The following CAMK2D variants were observed in gnomAD, a reference collection of about 807,000 sequenced individuals.
CAMK2D encodes calcium/calmodulin-dependent protein kinase type II subunit delta.
In CAMK2D, 37 loss-of-function variants were observed where a neutral mutation model predicts 84.0. The observed-to-expected ratio is 0.44, with a 90% CI of 0.34 to 0.58. The LOEUF (loss-of-function observed/expected upper bound fraction) is 0.58, where lower values mean the gene tolerates loss of function less well. Ranked by LOEUF, CAMK2D falls within the 20% of genes least tolerant of loss-of-function variation. The probability of loss-of-function intolerance (pLI) is 0.02; values close to 1 mark genes in which losing one functional copy is unlikely to be tolerated. For synonymous variants in CAMK2D, 202 were observed against 212.5 expected (o/e 0.95, Z 0.43); for missense variants, 448 against 652.5 (o/e 0.69, Z 3.41).
intron 2 of CAMK2D, among the ~76,000 whole-genome samples, chr4:113,748,231 C>G (rs2099609102): frequency 6.6e-6 from 1 of 152,068 alleles, no homozygotes; most frequent in Admixed American, 6.6e-5. Flanking sequence ...AAAGGAGGGA[C>G]TTTTGTCCTT....
intron 2 of CAMK2D, among the ~76,000 whole-genome samples, chr4:113,756,670 T>C (rs917154151): frequency 5.9e-5 from 9 of 152,108 alleles, no homozygotes; most frequent in Non-Finnish European, 8.8e-5. Context: ...TTTTCAGTAT[T>C]TGCTTGTTGT....
At chr4:113,526,542 C>T (rs2098419326) in intron 8 of CAMK2D, among the ~76,000 whole-genome samples, 1 of 152,022 alleles carries the variant, frequency 6.6e-6, no homozygotes, top group Admixed American at 6.6e-5. Context: ...GGAAACTACT[C>T]TCTACCTATC....
chr4:113,648,614 C>T (rs2099160933), intron 3 of CAMK2D, among the ~76,000 whole-genome samples: 1 of 152,172 alleles, frequency 6.6e-6, no homozygotes, highest in South Asian at 2.1e-4. Context: ...GGAAAAAGCA[C>T]CCTAGAAATA....
intron 2 of CAMK2D, among the ~76,000 whole-genome samples, chr4:113,745,706 AT>A (rs1379553152): frequency 1.3e-5 from 2 of 152,186 alleles, no homozygotes; most frequent in African/African-American, 4.8e-5. Flanking sequence ...TGTAGCGTTT[AT>A]TTTCTTGGAG....
intron 16 of CAMK2D, among the ~76,000 whole-genome samples, chr4:113,471,406 A>G (rs964073823): frequency 2.0e-5 from 3 of 152,036 alleles, no homozygotes; most frequent in Non-Finnish European, 4.4e-5. Context: ...CTCCATGCTC[A>G]TATTTCTAAC....
At chr4:113,529,405 A>G (rs1008021590) in intron 8 of CAMK2D, among the ~76,000 whole-genome samples, 19 of 152,186 alleles carry the variant, frequency 1.2e-4, no homozygotes, top group Non-Finnish European at 2.9e-5. Context: ...AGAATCAAGT[A>G]AAGTTTTTTA....
intron 2 of CAMK2D, among the ~76,000 whole-genome samples, chr4:113,665,816 T>C (rs1203236242): frequency 2.0e-5 from 3 of 152,216 alleles, no homozygotes; most frequent in Non-Finnish European, 4.4e-5. Context: ...GTTAGTAATA[T>C]ATGGTTGAAG....
chr4:113,565,422 G>A (rs1219885684), intron 4 of CAMK2D, among the ~76,000 whole-genome samples: 2 of 152,068 alleles, frequency 1.3e-5, no homozygotes, highest in African/African-American at 4.8e-5. Context: ...AGGCCAAGGC[G>A]GGTGGATCAG....
At chr4:113,588,997 G>C (rs765902177) in intron 4 of CAMK2D, among the ~76,000 whole-genome samples, 4 of 152,178 alleles carry the variant, frequency 2.6e-5, no homozygotes, top group Non-Finnish European at 5.9e-5. Context: ...TCTGAGAGGA[G>C]AGCTGGGGAG....
At chr4:113,580,713 C>T (rs113717399) in intron 4 of CAMK2D, among the ~76,000 whole-genome samples, 1 of 152,032 alleles carries the variant, frequency 6.6e-6, no homozygotes, top group Non-Finnish European at 1.5e-5. Flanking sequence ...TCTGTAAAAT[C>T]ATGATAATAA....
At chr4:113,598,442 A>G (rs1385291698) in intron 4 of CAMK2D, among the ~76,000 whole-genome samples, 1 of 152,226 alleles carries the variant, frequency 6.6e-6, no homozygotes, top group Non-Finnish European at 1.5e-5. Context: ...AACTTCCCAG[A>G]AAACAAAGGA....
intron 3 of CAMK2D, among the ~76,000 whole-genome samples, chr4:113,618,159 GC>G (rs1486983340): frequency 6.6e-6 from 1 of 152,076 alleles, no homozygotes; most frequent in African/African-American, 2.4e-5. Context: ...CCAATACAAA[GC>G]TGAATATGAT....
In CAMK2D at chr4:113,454,979, A is replaced by G. The variant is rs566270528; in HGVS notation, c.*30-464T>C. 9.2e-5 allele frequency among the ~76,000 whole-genome samples: 14 copies of G among 152,336 alleles called. 1 individual carries two copies. In the South Asian group the frequency reaches 2.7e-3, roughly 29 times the overall value. On this transcript the variant is annotated intron_variant, in intron 20 of 20. Transcript: ENST00000511664. ...AAGGAATATAGTCTCGAAAGTAGAG[A>G]GAACATGATTACTCTCTTTAATTGG...
intron 5 of CAMK2D, among the ~76,000 whole-genome samples, chr4:113,550,541 T>C (rs767036723): frequency 1.3e-5 from 2 of 152,216 alleles, no homozygotes; most frequent in Non-Finnish European, 2.9e-5. Context: ...AGAGCTTTCA[T>C]AAAAAATATC....
chr4:113,642,722 CTTT>C (rs2099137185), intron 3 of CAMK2D, among the ~76,000 whole-genome samples: 1 of 151,898 alleles, frequency 6.6e-6, no homozygotes, highest in Non-Finnish European at 1.5e-5. Flanking sequence ...AAGGGACATT[CTTT>C]TTTTCTTTTT....
At chr4:113,645,258 C>T (rs146348764) in intron 3 of CAMK2D, among the ~76,000 whole-genome samples, 8,009 of 152,126 alleles carry the variant, frequency 0.053, 587 homozygotes, top group African/African-American at 0.16. Flanking sequence ...CCTCATGATC[C>T]GCCCGCCTCA....
intron 2 of CAMK2D, among the ~76,000 whole-genome samples, chr4:113,745,117 T>A (rs2099601378): frequency 6.6e-6 from 1 of 152,186 alleles, no homozygotes; most frequent in Non-Finnish European, 1.5e-5. Flanking sequence ...CCAAGTAACA[T>A]CATAGAGGCT....
intron 3 of CAMK2D, among the ~76,000 whole-genome samples, chr4:113,643,796 C>A (rs1395959201): frequency 1.3e-5 from 2 of 152,098 alleles, no homozygotes; most frequent in East Asian, 3.9e-4. Flanking sequence ...TGATAAGGGC[C>A]AACAAGTTCA....
chr4:113,590,229 G>A (rs1049491486), intron 4 of CAMK2D, among the ~76,000 whole-genome samples: 3 of 152,156 alleles, frequency 2.0e-5, no homozygotes, highest in Non-Finnish European at 4.4e-5. Context: ...TCCAGAAACT[G>A]AGCAAGACAC....
Sources: gnomAD v4.1 joint callset for allele counts (sites outside exome capture counted in the v4.1 genomes callset) on GRCh38, gnomAD v4.1.1 for gene constraint, MANE v1.5 for transcripts, NCBI Gene and HGNC (gene_info 2026-07-23, HGNC 2026-07-21) for gene names.